Variants in EBLN1 observed in about 807,000 individuals in gnomAD.
EBLN1 encodes the protein endogenous Bornavirus-like nucleoprotein 1.
In EBLN1, 1 loss-of-function variant was observed where a neutral mutation model predicts 0.8. The observed-to-expected ratio is 1.32, with a 90% confidence interval of 0.47 to 6.26. The LOEUF (loss-of-function observed/expected upper bound fraction) is 6.26, where lower values mean the gene tolerates loss of function less well. EBLN1 is among the 30% of genes most tolerant of loss of function. EBLN1 has a pLI of 0.15. For missense variants in EBLN1, 396 were observed against 447.9 expected (o/e 0.88, Z 1.05); for synonymous variants, 158 against 158.5 (o/e 1.00, Z 0.02).
chr10:22,214,589 C>T (rs552222140), intron 1 of EBLN1, among the ~76,000 whole-genome samples: 22 of 152,086 alleles, frequency 1.4e-4, no homozygotes, highest in African/African-American at 5.1e-4. Flanking sequence ...TAAAGGCAAG[C>T]GATATATGGG....
intron 2 of EBLN1, among the ~76,000 whole-genome samples, 124 bp downstream of exon 2, chr10:22,212,718 G>A (rs960805137): frequency 1.3e-5 from 2 of 151,868 alleles, no homozygotes; most frequent in Admixed American, 1.3e-4. Flanking sequence ...AGGAAGCTAA[G>A]GTGGGAGGAT....
At chr10:22,215,972 TTAAC>T (rs1440694262) in intron 1 of EBLN1, among the ~76,000 whole-genome samples, 1 of 152,290 alleles carries the variant, frequency 6.6e-6, no homozygotes, top group African/African-American at 2.4e-5. Context: ...AGAACTATGT[TTAAC>T]TATTTTCTTC....
At position 22,209,549 on chromosome 10, in the gene EBLN1, GC is replaced by G; in HGVS notation, c.434del (p.Gly145AlafsTer24). On this transcript the variant is annotated frameshift_variant, in exon 3 of 3. Coordinates refer to ENST00000422359, the MANE Select transcript of EBLN1 (RefSeq NM_001394757.1). LOFTEE classifies it low-confidence loss of function (END_TRUNC). ...SILRHCCDLI[G>X]IAAGSSDPIC... The stretch of plus-strand genomic sequence containing the variant: ...TCGGGTCACTCGATCCGGCAGCAAT[GC>G]CTATCAGATCACAGCAGTGACGCAG... 6.5e-7 allele frequency: 1 copy of G among 1,533,066 alleles called. No homozygotes were observed. 95.0% of individuals were successfully genotyped at this position (1,533,066 alleles called of 1,614,324 possible).
chr10:22,213,148 TTTAGC>T lies in EBLN1; in HGVS notation c.-168-188_-168-184del, dbSNP rs371825260. ...TGGCCTCAGTAAATACACTCCTTTG[TTTAGC>T]TTATCAGTCATCACTAAAAACATTT... On this transcript the variant is annotated intron_variant, in intron 1 of 2. Transcript: ENST00000422359. Among the ~76,000 whole-genome samples, 522 of 152,252 alleles carry T rather than the reference TTTAGC, an allele frequency of 3.4e-3. 2 individuals are homozygous for T. The highest frequency in any genetic ancestry group is 0.012 in the African/African-American group (490 of 41,550).
intron 1 of EBLN1, among the ~76,000 whole-genome samples, chr10:22,217,047 C>A (rs927488202): frequency 6.6e-6 from 1 of 152,194 alleles, no homozygotes; most frequent in African/African-American, 2.4e-5. Flanking sequence ...ACGCTTATTA[C>A]AATAACAATT....
At chr10:22,212,569 A>C (rs970458866) in intron 2 of EBLN1, among the ~76,000 whole-genome samples, 2 of 152,316 alleles carry the variant, frequency 1.3e-5, no homozygotes, top group African/African-American at 4.8e-5. Flanking sequence ...CCAAGAAACC[A>C]GGTCAAATAC....
chr10:22,215,927 A>G (rs1834789053), intron 1 of EBLN1, among the ~76,000 whole-genome samples: 1 of 152,156 alleles, frequency 6.6e-6, no homozygotes, highest in Non-Finnish European at 1.5e-5. Context: ...TATCAAGAGA[A>G]AATGACAGTA....
In EBLN1 at chr10:22,209,695, C is replaced by T. The variant is rs776648671; in HGVS notation, c.289G>A (p.Gly97Ser). Reference sequence around the variant, plus strand: ...ACAATATTAGACCTTTTGCTCACACCGACACTGAGTAGTGCCTTGTGTAAT... The same window carrying T: ...ACAATATTAGACCTTTTGCTCACACTGACACTGAGTAGTGCCTTGTGTAAT... ...DGLHKALLSV[G>S]VSKRSNIVIG... is the part of the protein sequence containing the mutation. The change falls in exon 3 of 3, where the codon GGT becomes AGT. Residue 97 changes from glycine to serine, a missense_variant. Coordinates refer to ENST00000422359, the MANE Select transcript of EBLN1 (RefSeq NM_001394757.1). The T allele has an allele frequency of 5.2e-6, 8 of 1,535,668 alleles. No individual in the cohort carries two copies. The highest frequency in any genetic ancestry group is 4.1e-5 in the African/African-American group (3 of 73,020).
At position 22,209,496 on chromosome 10, in the gene EBLN1, C is replaced by G; in HGVS notation, c.488G>C (p.Arg163Thr). 6.3e-7 allele frequency: 1 copy of G among 1,592,628 alleles called. No homozygotes were observed. The highest frequency in any genetic ancestry group is 8.5e-7 in the Non-Finnish European group (1 of 1,176,844). Residue 163 changes from arginine to threonine, a missense_variant, in exon 3 of 3, where the codon AGA (arginine) becomes ACA (threonine). Physicochemically the swap from Arg to Thr is moderately conservative, Grantham distance 71. Transcript: ENST00000422359. ...GGATATCATCATTGCCTTGAATTGT[C>G]TCTGTACTTGGAGGCTGTTGGTGCA... is the stretch of plus-strand genomic sequence containing the variant. The part of the protein sequence containing the change: ...PICTNSLQVQ[R>T]QFKAMMISIG...
Position 22,209,239 on chromosome 10 carries a change from C to T in EBLN1, c.745G>A (p.Asp249Asn), listed in dbSNP as rs767809807. 4 of 1,557,504 alleles carry T rather than the reference C, an allele frequency of 2.6e-6. No homozygotes were observed. Among genetic ancestry groups the T allele is most frequent in the Admixed American group, 3.8e-5 (2 of 52,586 alleles). ...TVRMFLDQCV[D>N]GSTALPAVVL... ...ACAGCGGGTAAAGCAGTGGAACCAT[C>T]CACACACTGATCCAGGAACATTCTC... is the stretch of plus-strand genomic sequence containing the variant. Residue 249 changes from aspartate (D) to asparagine (N), a missense_variant, in exon 3 of 3, where the codon GAT (aspartate) becomes AAT (asparagine). Coordinates refer to ENST00000422359, the MANE Select transcript of EBLN1 (RefSeq NM_001394757.1).
At chr10:22,214,302 CT>C (rs34128744) in intron 1 of EBLN1, among the ~76,000 whole-genome samples, 200 of 138,980 alleles carry the variant, frequency 1.4e-3, no homozygotes, top group Middle Eastern at 3.7e-3. Flanking sequence ...GTTTTACTTT[CT>C]TTTTTTTTTT....
intron 1 of EBLN1, among the ~76,000 whole-genome samples, chr10:22,215,093 T>C (rs1000834713): frequency 1.3e-5 from 2 of 152,168 alleles, no homozygotes; most frequent in Non-Finnish European, 2.9e-5. Context: ...AGTAGACATA[T>C]AGAGACAGAA....
Position 22,209,663 on chromosome 10 carries a change from C to T in EBLN1, c.321G>A (p.Gly107=), listed in dbSNP as rs1430099441. 2.0e-6 allele frequency: 3 copies of T among 1,535,714 alleles called. No homozygotes were observed. Among genetic ancestry groups the T allele is most frequent in the Non-Finnish European group, 2.6e-6 (3 of 1,146,914 alleles). The change falls in exon 3 of 3, where the codon GGG becomes GGA. Residue 107 remains glycine, a synonymous_variant. Coordinates refer to ENST00000422359, the MANE Select transcript of EBLN1 (RefSeq NM_001394757.1). ...GVSKRSNIVI[G]NENKETGTLY... The stretch of plus-strand genomic sequence containing the variant: ...GAGTACCTGTTTCCTTGTTCTCATT[C>T]CCAATCACAATATTAGACCTTTTGC...
chr10:22,212,302 T>A (rs537094465), intron 2 of EBLN1, among the ~76,000 whole-genome samples: 1 of 152,304 alleles, frequency 6.6e-6, no homozygotes, highest in Admixed American at 6.5e-5. Flanking sequence ...AACATTAGAG[T>A]AAAACAGAAA....
intron 1 of EBLN1, among the ~76,000 whole-genome samples, chr10:22,214,370 G>T (rs1405200132): frequency 1.3e-5 from 2 of 150,016 alleles, no homozygotes; most frequent in African/African-American, 4.9e-5. Context: ...CACCATCATG[G>T]TTCACCGCTG....
At position 22,209,233 on chromosome 10, in the gene EBLN1, A is replaced by G; in HGVS notation, c.751T>C (p.Ser251Pro). ...AACACAACAGCGGGTAAAGCAGTGGAACCATCCACACACTGATCCAGGAAC... is the reference window on the plus strand; with the variant it reads ...AACACAACAGCGGGTAAAGCAGTGGGACCATCCACACACTGATCCAGGAAC... ...RMFLDQCVDG[S>P]TALPAVVLEI... is the part of the protein sequence containing the mutation. Residue 251 changes from serine (S) to proline (P), a missense_variant, in exon 3 of 3, where the codon TCC becomes CCC. Coordinates refer to ENST00000422359, the MANE Select transcript of EBLN1 (RefSeq NM_001394757.1). 6.4e-7 allele frequency: 1 copy of G among 1,553,058 alleles called. No individual in the cohort carries two copies. Among genetic ancestry groups the G allele is most frequent in the South Asian group, 1.2e-5 (1 of 85,930 alleles).
chr10:22,209,839 C>G lies in EBLN1; in HGVS notation c.145G>C (p.Gly49Arg). The change falls in exon 3 of 3, where the codon GGT becomes CGT. Residue 49 changes from glycine to arginine, a missense_variant. Transcript: ENST00000422359. ...YPADALEPQP[G>R]IGDVKVIEKA... ...TCAATGACCTTAACATCTCCAATAC[C>G]AGGTTGGGGCTCCAATGCATCTGCT... 6.5e-7 allele frequency: 1 copy of G among 1,530,036 alleles called. No homozygotes were observed. The highest frequency in any genetic ancestry group is 8.7e-7 in the Non-Finnish European group (1 of 1,144,232). The allele number at this position is 1,530,036 out of a possible 1,614,324, so 94.8% of individuals were successfully genotyped here.
At chr10:22,210,713 GGC>G (rs1056235799) in intron 2 of EBLN1, among the ~76,000 whole-genome samples, 1 of 152,110 alleles carries the variant, frequency 6.6e-6, no homozygotes, top group African/African-American at 2.4e-5. Flanking sequence ...CAAGTTTTGG[GGC>G]CATCAGGCAA....
intron 2 of EBLN1, among the ~76,000 whole-genome samples, chr10:22,212,368 T>C (rs898948992): frequency 2.6e-5 from 4 of 152,222 alleles, no homozygotes; most frequent in African/African-American, 9.6e-5. Flanking sequence ...AAATGGCCTA[T>C]GAAAATTTGA....
Sources: gnomAD v4.1 joint callset for allele counts (sites outside exome capture counted in the v4.1 genomes callset) on GRCh38, gnomAD v4.1.1 for gene constraint, MANE v1.5 for transcripts, NCBI Gene and HGNC (gene_info 2026-07-23, HGNC 2026-07-21) for gene names.